The following CAPN13 variants were observed in gnomAD, a reference collection of about 807,000 sequenced individuals.
The protein encoded by CAPN13 is calpain 13.
Under a neutral mutation model 98.4 loss-of-function variants are expected in CAPN13, and 90 were observed. The ratio of observed to expected loss-of-function variants is 0.92; its 90% CI spans 0.77 to 1.09. The LOEUF is 1.09. CAPN13 is among the 50% of genes least tolerant of loss of function. CAPN13 has a pLI of 0.00. For missense variants in CAPN13, 887 were observed against 841.3 expected (o/e 1.05, Z -0.67); for synonymous variants, 330 against 305.5 (o/e 1.08, Z -0.84).
chr2:30,723,046 T>C lies in CAPN13; in HGVS notation c.*221A>G, dbSNP rs912613911. 2.0e-5 allele frequency: 3 copies of C among 152,208 alleles called. No homozygotes were observed. Among genetic ancestry groups the C allele is most frequent in the Non-Finnish European group, 4.4e-5 (3 of 68,056 alleles). The allele number at this position is 152,208 out of a possible 1,614,324, so 9.4% of individuals were successfully genotyped here. A position where few individuals can be genotyped will look rare whatever the true frequency, so the allele number is the denominator to read the frequency against. On this transcript the variant is annotated 3_prime_UTR_variant, in exon 23 of 23. Transcript: ENST00000295055. Reference sequence around the variant, plus strand: ...GTAGGCTGAATACATCCCAAAGTGCTCAGATGAGCTGCTTGGTGGCCACAG... The same window carrying C: ...GTAGGCTGAATACATCCCAAAGTGCCCAGATGAGCTGCTTGGTGGCCACAG...
intron 2 of CAPN13, among the ~76,000 whole-genome samples, chr2:30,782,189 A>T (rs1399090156): frequency 6.6e-6 from 1 of 152,108 alleles, no homozygotes; most frequent in Non-Finnish European, 1.5e-5. Flanking sequence ...CCAAGAAATA[A>T]TGTCTTCCAT....
chr2:30,745,772 A>G (rs1169547326), intron 11 of CAPN13, 38 bp from the exon 12 acceptor site: 2 of 1,586,656 alleles, frequency 1.3e-6, no homozygotes, highest in Admixed American at 3.4e-5. Context: ...TTAGGAACTC[A>G]GACGTAAACA....
rs1672552911 is a variant in CAPN13, at chr2:30,758,101, G to A, written c.811C>T (p.Leu271=). The stretch of plus-strand genomic sequence containing the variant: ...TCGCCCCAGCCCCAGGGGTTCCACA[G>A]GGAGATAATTTCTTCCCAGCCCCTT... ...YRRGWEEIIS[L]WNPWGWGEAE... The change falls in exon 8 of 23, where the codon CTG becomes TTG. Residue 271 remains leucine, a synonymous_variant. Coordinates refer to ENST00000295055, the MANE Select transcript of CAPN13 (RefSeq NM_144575.3). The A allele has an allele frequency of 6.2e-7, 1 of 1,609,796 alleles. No individual in the cohort carries two copies. Among genetic ancestry groups the A allele is most frequent in the Non-Finnish European group, 8.5e-7 (1 of 1,178,300 alleles).
chr2:30,751,334 G>C, intron 10 of CAPN13, 83 bp from the exon 11 acceptor site: 3 of 1,479,612 alleles, frequency 2.0e-6, no homozygotes, highest in Non-Finnish European at 2.8e-6. Context: ...AGAGAGTTCT[G>C]TGGGGTTGTG....
chr2:30,775,068 T>G (rs1019360280), intron 4 of CAPN13, among the ~76,000 whole-genome samples: 11 of 152,082 alleles, frequency 7.2e-5, no homozygotes, highest in African/African-American at 2.4e-4. Context: ...AGATAGAAAA[T>G]TATCTATTTG....
chr2:30,773,546 GA>G (rs1673520530), intron 4 of CAPN13, among the ~76,000 whole-genome samples: 1 of 152,150 alleles, frequency 6.6e-6, no homozygotes, highest in South Asian at 2.1e-4. Flanking sequence ...TGCATAACAG[GA>G]AGCCAAAGTG....
chr2:30,777,812 AG>A (rs1461034770), intron 2 of CAPN13, among the ~76,000 whole-genome samples, 173 bp from the exon 3 acceptor site: 6 of 152,350 alleles, frequency 3.9e-5, no homozygotes, highest in African/African-American at 1.4e-4. Flanking sequence ...GGAAGGCAGC[AG>A]GTGTCACGGA....
chr2:30,778,759 G>A (rs763172437), intron 2 of CAPN13, among the ~76,000 whole-genome samples: 4 of 152,198 alleles, frequency 2.6e-5, no homozygotes, highest in African/African-American at 4.8e-5. Context: ...AACTCCTCCC[G>A]CTGCTTTCTC....
chr2:30,772,422 T>A (rs1246106780), intron 4 of CAPN13, among the ~76,000 whole-genome samples: 1 of 152,174 alleles, frequency 6.6e-6, no homozygotes, highest in African/African-American at 2.4e-5. Flanking sequence ...CTGCAGCCGC[T>A]TCTGGGGAAC....
chr2:30,751,054 G>A (rs776738040), intron 11 of CAPN13, 49 bp downstream of exon 11: 1 of 1,597,110 alleles, frequency 6.3e-7, no homozygotes, highest in Non-Finnish European at 8.5e-7. Flanking sequence ...CCAACTCAAG[G>A]TTTACACTAA....
chr2:30,746,624 G>A, intron 11 of CAPN13: 1 of 209,734 alleles, frequency 4.8e-6, no homozygotes, highest in Non-Finnish European at 9.9e-6. Context: ...TCTGCTGGGT[G>A]TCAAGATTTC....
At chr2:30,764,106 T>G in intron 6 of CAPN13, 26 bp downstream of exon 6, 1 of 1,549,174 alleles carries the variant, frequency 6.5e-7, no homozygotes, top group Non-Finnish European at 8.7e-7. Context: ...CTTGAACTGG[T>G]GCAAAAGGGC....
At chr2:30,793,388 T>C (rs1674701808) in intron 1 of CAPN13, among the ~76,000 whole-genome samples, 1 of 151,474 alleles carries the variant, frequency 6.6e-6, no homozygotes, top group Non-Finnish European at 1.5e-5. Flanking sequence ...ATTAAAGACA[T>C]TAAAGATATC....
rs1345307555 is a variant in CAPN13, at chr2:30,761,844, A to G, written c.774+1238T>C. Among the ~76,000 whole-genome samples the G allele has an allele frequency of 1.3e-5, 2 of 152,222 alleles. 1 individual carries two copies. Among genetic ancestry groups the G allele is most frequent in the Non-Finnish European group, 2.9e-5 (2 of 68,042 alleles). ...AACAACTGGCCTCAGGTCCATGGAC[A>G]AGAGAGACAGATGGGTAGAGAGAGG... On this transcript the variant is annotated intron_variant, in intron 7 of 22. Coordinates refer to ENST00000295055, the MANE Select transcript of CAPN13 (RefSeq NM_144575.3).
At chr2:30,758,739 T>C (rs1170067581) in intron 7 of CAPN13, among the ~76,000 whole-genome samples, 1 of 145,910 alleles carries the variant, frequency 6.9e-6, no homozygotes, top group African/African-American at 2.5e-5. Flanking sequence ...AACAATATCC[T>C]GAACTTCCCT....
At chr2:30,746,545 G>T in intron 11 of CAPN13, 1 of 165,436 alleles carries the variant, frequency 6.0e-6, no homozygotes, top group South Asian at 1.6e-4. Flanking sequence ...CCCTTTCCAA[G>T]GCCATGGCTC....
At chr2:30,798,513 G>A (rs1675007434) in intron 1 of CAPN13, among the ~76,000 whole-genome samples, 1 of 152,164 alleles carries the variant, frequency 6.6e-6, no homozygotes, top group Non-Finnish European at 1.5e-5. Context: ...AGGTTGCTCT[G>A]GTGTCCCTGT....
At chr2:30,764,623 C>T (rs939127579) in intron 5 of CAPN13, among the ~76,000 whole-genome samples, 1 of 152,174 alleles carries the variant, frequency 6.6e-6, no homozygotes, top group African/African-American at 2.4e-5. Context: ...ACGTATTTGG[C>T]TGCTTGACCT....
Position 30,743,513 on chromosome 2 carries a change from T to C in CAPN13, c.1315A>G (p.Asn439Asp), listed in dbSNP as rs1671757972. The C allele has an allele frequency of 6.2e-7, 1 of 1,613,960 alleles. No individual in the cohort carries two copies. Among genetic ancestry groups the C allele is most frequent in the Non-Finnish European group, 8.5e-7 (1 of 1,179,882 alleles). Residue 439 changes from asparagine to aspartate, a missense_variant, in exon 13 of 23, where the codon AAT (asparagine) becomes GAT (aspartate). By Grantham distance (23) the Asn-to-Asp change is conservative. Transcript: ENST00000295055. ...SFRNTVQSSNNKFRRNFTMTY... is the reference protein window; with the variant it reads ...SFRNTVQSSNDKFRRNFTMTY... ...ATGGTGAAGTTGCGGCGGAATTTAT[T>C]ATTTGAGCTTTGGACAGTGTTTCTG...
Sources: gnomAD v4.1 joint callset for allele counts (sites outside exome capture counted in the v4.1 genomes callset) on GRCh38, gnomAD v4.1.1 for gene constraint, MANE v1.5 for transcripts, NCBI Gene and HGNC (gene_info 2026-07-23, HGNC 2026-07-21) for gene names.